Variants in TMEM132B observed in about 807,000 individuals in gnomAD.
TMEM132B encodes the protein transmembrane protein 132B.
Under a neutral mutation model 90.8 loss-of-function variants are expected in TMEM132B, and 18 were observed. The ratio of observed to expected loss-of-function variants is 0.20; its 90% CI spans 0.14 to 0.29. The LOEUF (loss-of-function observed/expected upper bound fraction) is 0.29, where lower values mean the gene tolerates loss of function less well. Among genes scored for constraint, TMEM132B ranks in the 10% least tolerant of loss-of-function variants. TMEM132B has a pLI of 1.00. For synonymous variants in TMEM132B, 504 were observed against 523.3 expected, an observed-to-expected ratio of 0.96 and a Z score of 0.50; for missense variants, 1,096 against 1,326.8, an observed-to-expected ratio of 0.83 and a Z score of 2.70.
At chr12:125,267,327 G>A (rs1036290018) in intron 1 of TMEM132B, among the ~76,000 whole-genome samples, 4 of 152,048 alleles carry the variant, frequency 2.6e-5, no homozygotes, top group Non-Finnish European at 5.9e-5. Flanking sequence ...GTGCAGGGCC[G>A]CGAATTTCCT....
At position 125,650,896 on chromosome 12, in the gene TMEM132B, T is replaced by C; in HGVS notation, c.1857T>C (p.Ala619=). The C allele has an allele frequency of 6.2e-7, 1 of 1,613,714 alleles. No individual in the cohort carries two copies. The highest frequency in any genetic ancestry group is 8.5e-7 in the Non-Finnish European group (1 of 1,180,010). ...EFMKVEEPKI[A]QLQDGRTLAG... is the part of the protein sequence containing the mutation. The stretch of plus-strand genomic sequence containing the variant: ...TGAAGGTGGAGGAGCCGAAAATCGC[T>C]CAGTTACAGGACGGCAGGACCCTGG... Residue 619 remains alanine (A), a synonymous_variant, in exon 7 of 9, where the codon GCT becomes GCC. Transcript: ENST00000682704.
At chr12:125,456,934 G>C (rs1387112226) in intron 3 of TMEM132B, among the ~76,000 whole-genome samples, 1 of 152,198 alleles carries the variant, frequency 6.6e-6, no homozygotes, top group South Asian at 2.1e-4. Flanking sequence ...GAGCTCTCCT[G>C]TCCCATTTCC....
In TMEM132B at chr12:125,654,315, C is replaced by T; in HGVS notation, c.2857C>T (p.Leu953Phe). 1 of 1,613,124 alleles carries T rather than the reference C, an allele frequency of 6.2e-7. No homozygotes were observed. Among genetic ancestry groups the T allele is most frequent in the Non-Finnish European group, 8.5e-7 (1 of 1,180,028 alleles). ...NIPHSHDWVW[L>F]GNEVELLENP... ...CCCCCATTCCCACGACTGGGTCTGG[C>T]TTGGGAATGAAGTGGAACTTTTGGA... The change falls in exon 9 of 9, where the codon CTT becomes TTT. Residue 953 changes from leucine (L) to phenylalanine (F), a missense_variant. By Grantham distance (22) the Leu-to-Phe change is conservative. Transcript: ENST00000682704. This position sits in a 1 kb window ranked among gnomAD's most constrained non-coding sequence, Gnocchi z 5.8.
intron 1 of TMEM132B, among the ~76,000 whole-genome samples, chr12:125,229,519 T>C (rs891935052): frequency 6.6e-6 from 1 of 152,224 alleles, no homozygotes; most frequent in Admixed American, 6.5e-5. Context: ...GCTAAATACA[T>C]AAGTAAATTC....
chr12:125,198,962 G>A (rs1371926319), intron 1 of TMEM132B, among the ~76,000 whole-genome samples: 1 of 152,228 alleles, frequency 6.6e-6, no homozygotes, highest in African/African-American at 2.4e-5. Flanking sequence ...CTTTGGTTGA[G>A]GACGAATACT....
chr12:125,651,539 T>C (rs890004940), intron 7 of TMEM132B, among the ~76,000 whole-genome samples: 2 of 152,248 alleles, frequency 1.3e-5, no homozygotes, highest in African/African-American at 2.4e-5. Context: ...TCAGATTTTA[T>C]TGTAGCCAAA....
intron 1 of TMEM132B, among the ~76,000 whole-genome samples, chr12:125,244,212 G>A (rs146161531): frequency 1.3e-5 from 2 of 152,284 alleles, no homozygotes; most frequent in African/African-American, 2.4e-5. Flanking sequence ...ATGTTGCCAC[G>A]AACATGAGTG....
At chr12:125,243,897 G>A (rs557866864) in intron 1 of TMEM132B, among the ~76,000 whole-genome samples, 128 of 152,246 alleles carry the variant, frequency 8.4e-4, no homozygotes, top group Non-Finnish European at 1.4e-3. Flanking sequence ...AGCCCCATAC[G>A]TATTAGCAGT....
chr12:125,611,272 T>G (rs1885818072), intron 5 of TMEM132B, among the ~76,000 whole-genome samples: 1 of 152,140 alleles, frequency 6.6e-6, no homozygotes, highest in Non-Finnish European at 1.5e-5. Context: ...CTGACTTTTA[T>G]AACTACTTGG....
At chr12:125,235,903 A>T (rs772262542) in intron 1 of TMEM132B, among the ~76,000 whole-genome samples, 6 of 145,186 alleles carry the variant, frequency 4.1e-5, no homozygotes, top group Non-Finnish European at 8.9e-5. Context: ...TGCTGGGTTA[A>T]AGCGATCCTC....
At chr12:125,348,334 T>C (rs1877431150) in intron 1 of TMEM132B, among the ~76,000 whole-genome samples, 1 of 152,200 alleles carries the variant, frequency 6.6e-6, no homozygotes, top group Non-Finnish European at 1.5e-5. Context: ...TATTTTATTT[T>C]GTTTTTTCTT....
chr12:125,635,943 G>C (rs959408218), intron 5 of TMEM132B, among the ~76,000 whole-genome samples: 3 of 152,146 alleles, frequency 2.0e-5, no homozygotes, highest in Non-Finnish European at 2.9e-5. Context: ...GTGGCACTGA[G>C]TTCAATGCCT....
chr12:125,578,912 T>G (rs1236287519), intron 4 of TMEM132B, among the ~76,000 whole-genome samples: 5 of 152,188 alleles, frequency 3.3e-5, no homozygotes, highest in Admixed American at 3.3e-4. Context: ...ATGATGTATC[T>G]AGGTGCGGAT....
In TMEM132B at chr12:125,661,789, A is replaced by G. The variant is rs1887211445; in HGVS notation, c.*7079A>G. ...CAAACCTAGGGAAAAATAAGTGGCT[A>G]TAAAACACTGAAAGATAGTCACATC... On this transcript the variant is annotated 3_prime_UTR_variant, in exon 9 of 9. Transcript: ENST00000682704. The G allele has an allele frequency of 6.6e-6, 1 of 152,276 alleles. No individual in the cohort carries two copies. Among genetic ancestry groups the G allele is most frequent in the Non-Finnish European group, 1.5e-5 (1 of 68,054 alleles). The allele number at this position is 152,276 out of a possible 1,614,324, so 9.4% of individuals were successfully genotyped here. A position where few individuals can be genotyped will look rare whatever the true frequency, so the allele number is the denominator to read the frequency against.
intron 3 of TMEM132B, among the ~76,000 whole-genome samples, chr12:125,419,087 C>G (rs1880100167): frequency 6.6e-6 from 1 of 152,134 alleles, no homozygotes; most frequent in Admixed American, 6.5e-5. Context: ...TGGACAGAAA[C>G]CACAATACAG....
chr12:125,320,924 G>A (rs1876411140), intron 1 of TMEM132B, among the ~76,000 whole-genome samples: 1 of 152,200 alleles, frequency 6.6e-6, no homozygotes, highest in African/African-American at 2.4e-5. Flanking sequence ...AGACTCATTG[G>A]GTGGTAGAAC....
At chr12:125,516,548 C>T (rs375483952) in intron 3 of TMEM132B, among the ~76,000 whole-genome samples, 2 of 152,340 alleles carry the variant, frequency 1.3e-5, no homozygotes, top group Middle Eastern at 3.4e-3. Flanking sequence ...TGCAGCTGGT[C>T]CAGCTCACAA....
chr12:125,492,286 G>A lies in TMEM132B; in HGVS notation c.1107-27153G>A, dbSNP rs1391646767. On this transcript the variant is annotated intron_variant, in intron 3 of 8. Transcript: ENST00000682704. The surrounding 1 kb of genome is among the most constrained non-coding windows in gnomAD (Gnocchi z 5.8). ...GCTCAGCCTTCCTCGTCTGTCTCTT[G>A]AAGTGACTGCTGCTCACCATTCCTT... 6.6e-6 allele frequency among the ~76,000 whole-genome samples: 1 copy of A among 152,232 alleles called. No homozygotes were observed. Among genetic ancestry groups the A allele is most frequent in the Non-Finnish European group, 1.5e-5 (1 of 68,044 alleles).
At chr12:125,364,977 T>G (rs1712969181) in intron 2 of TMEM132B, among the ~76,000 whole-genome samples, 1 of 152,058 alleles carries the variant, frequency 6.6e-6, no homozygotes, top group Admixed American at 6.5e-5. Flanking sequence ...TTAATTAGTA[T>G]GCTTATTTCA....
Sources: gnomAD v4.1 joint callset for allele counts (sites outside exome capture counted in the v4.1 genomes callset) on GRCh38, gnomAD v4.1.1 for gene constraint, Gnocchi (gnomAD v3.1) non-coding constraint, MANE v1.5 for transcripts, NCBI Gene and HGNC (gene_info 2026-07-23, HGNC 2026-07-21) for gene names.